Variants in PKHD1L1 observed in about 807,000 individuals in gnomAD.
The protein encoded by PKHD1L1 is fibrocystin-L.
PKHD1L1 carries 434 observed loss-of-function variants against 462.9 expected under a neutral mutation model. The ratio of observed to expected loss-of-function variants is 0.94; its 90% CI spans 0.87 to 1.02. PKHD1L1 has a LOEUF of 1.02. Among genes scored for constraint, PKHD1L1 ranks in the 50% least tolerant of loss-of-function variants. PKHD1L1 has a pLI of 0.00. For missense variants in PKHD1L1, 5,202 were observed against 5,096.1 expected (o/e 1.02, Z -0.63); for synonymous variants, 1,781 against 1,750.0 (o/e 1.02, Z -0.44).
At chr8:109,502,175 A>G (rs947174592) in intron 67 of PKHD1L1, among the ~76,000 whole-genome samples, 1 of 152,062 alleles carries the variant, frequency 6.6e-6, no homozygotes, top group Non-Finnish European at 1.5e-5. Context: ...CAATATTCCC[A>G]TTTTTGAGCC....
Position 109,435,286 on chromosome 8 carries a change from G to T in PKHD1L1, c.3437G>T (p.Gly1146Val). ...GTTGGACTAGCACAGAATGTAGGGG[G>T]TGAAGAGTTCTACTTTGTTTATCAG... ...ADVGLAQNVG[G>V]EEFYFVYQSQ... The change falls in exon 29 of 78, where the codon GGT (glycine) becomes GTT (valine). Residue 1146 changes from glycine (G) to valine (V), a missense_variant. Physicochemically the swap from Gly to Val is moderately radical, Grantham distance 109. Transcript: ENST00000378402. 6.2e-7 allele frequency: 1 copy of T among 1,613,890 alleles called. No homozygotes were observed. The highest frequency in any genetic ancestry group is 8.5e-7 in the Non-Finnish European group (1 of 1,179,806).
intron 21 of PKHD1L1, 87 bp downstream of exon 21, chr8:109,413,632 TG>T (rs1813977103): frequency 1.7e-6 from 2 of 1,186,686 alleles, no homozygotes; most frequent in Non-Finnish European, 1.1e-6. Flanking sequence ...TGGGGTTTTT[TG>T]TTTTGGTCTG....
chr8:109,472,482 C>A (rs1025850376), intron 50 of PKHD1L1, among the ~76,000 whole-genome samples: 1 of 152,144 alleles, frequency 6.6e-6, no homozygotes, highest in Non-Finnish European at 1.5e-5. Flanking sequence ...CGTTTCTCTG[C>A]ACCCTTTCAT....
rs762018652 is a variant in PKHD1L1, at chr8:109,450,979, G to A, written c.6180G>A (p.Thr2060=). The part of the protein sequence containing the change: ...LLCEIPSNNG[T]GAEQACEVSV... ...AGTCTGATCTTCCTTTCATAGGCAC[G>A]GGAGCTGAGCAAGCCTGTGAAGTGA... The change falls in exon 41 of 78, where the codon ACG becomes ACA. Residue 2060 remains threonine (T), a synonymous_variant. Transcript: ENST00000378402. The A allele has an allele frequency of 3.5e-5, 56 of 1,598,096 alleles. No homozygotes were observed. In the Middle Eastern group the frequency reaches 2.3e-3, roughly 66 times the overall value.
intron 10 of PKHD1L1, 33 bp from the exon 11 acceptor site, chr8:109,395,994 T>C: frequency 7.0e-7 from 1 of 1,422,702 alleles, no homozygotes; most frequent in Non-Finnish European, 9.7e-7. Context: ...GTGTAATATT[T>C]ATGATATTTT....
chr8:109,413,463 C>CT lies in PKHD1L1; in HGVS notation c.2279dup (p.Phe762IlefsTer7). ...AGGATTCCTGGCAAATTATATTGGTCTAAAATTTCAGTACCAAGACAATAG... is the reference window on the plus strand; with the variant it reads ...AGGATTCCTGGCAAATTATATTGGTCTTAAAATTTCAGTACCAAGACAATAG... On this transcript the variant is annotated frameshift_variant, in exon 21 of 78. Transcript: ENST00000378402. LOFTEE classifies it high-confidence loss of function. The CT allele has an allele frequency of 1.3e-6, 2 of 1,578,100 alleles. No homozygotes were observed. Among genetic ancestry groups the CT allele is most frequent in the Non-Finnish European group, 1.7e-6 (2 of 1,159,372 alleles).
rs752095105 is a variant in PKHD1L1, at chr8:109,454,728, A to G, written c.6750A>G (p.Gly2250=). The change falls in exon 45 of 78, where the codon GGA becomes GGG. Residue 2250 remains glycine, a synonymous_variant. Transcript: ENST00000378402. ...ATTTGTGACATCTTTTGCAGATTGG[A>G]ACAGAGACATCCCCATTCCAACACA... The part of the protein sequence containing the change: ...LITDGGVLQI[G]TETSPFQHKA... The G allele has an allele frequency of 1.9e-6, 3 of 1,613,500 alleles. No individual in the cohort carries two copies. The highest frequency in any genetic ancestry group is 2.5e-6 in the Non-Finnish European group (3 of 1,179,708).
At chr8:109,470,459 T>G in intron 50 of PKHD1L1, 1 of 1,606,040 alleles carries the variant, frequency 6.2e-7, no homozygotes, top group Middle Eastern at 2.3e-4. Flanking sequence ...AATGGATTGG[T>G]TAAAGCCCAG....
At chr8:109,452,611 T>C in intron 42 of PKHD1L1, 107 bp from the exon 43 acceptor site, 2 of 526,874 alleles carry the variant, frequency 3.8e-6, no homozygotes, top group Non-Finnish European at 5.5e-6. Context: ...ATATATTTAC[T>C]ATATAATATA....
At chr8:109,517,520 A>C (rs1184360293) in intron 72 of PKHD1L1, among the ~76,000 whole-genome samples, 1 of 152,106 alleles carries the variant, frequency 6.6e-6, no homozygotes, top group Non-Finnish European at 1.5e-5. Flanking sequence ...TCTGCCATAA[A>C]ATCATACATA....
Position 109,493,734 on chromosome 8 carries a change from A to T in PKHD1L1, c.10310A>T (p.Asp3437Val), listed in dbSNP as rs118053060. Residue 3437 changes from aspartate to valine, a missense_variant, in exon 63 of 78, where the codon GAT becomes GTT. Coordinates refer to ENST00000378402, the MANE Select transcript of PKHD1L1 (RefSeq NM_177531.6). ...AGFGRAGYRI[D>V]GEPCPGQFNP... ...TTTGGAAGAGCAGGATACCGCATTG[A>T]TGGTGAACCTTGCCCAGGTAAGTCT... The T allele has an allele frequency of 6.2e-7, 1 of 1,605,042 alleles. No individual in the cohort carries two copies. The highest frequency in any genetic ancestry group is 1.3e-5 in the African/African-American group (1 of 74,646).
At position 109,486,763 on chromosome 8, in the gene PKHD1L1, C is replaced by T. The variant is rs1818549920; in HGVS notation, c.9822C>T (p.Asp3274=). The T allele has an allele frequency of 1.9e-6, 3 of 1,612,472 alleles. No individual in the cohort carries two copies. In the African/African-American group the frequency reaches 4.0e-5, roughly 22 times the overall value. The change falls in exon 59 of 78, where the codon GAC becomes GAT. Residue 3274 remains aspartate, a synonymous_variant. Transcript: ENST00000378402. ...VGEDYPGWSE[D]SFGARVLVGS... is the part of the protein sequence containing the mutation. ...AAGATTACCCCGGTTGGTCTGAGGA[C>T]TCTTTTGGAGCACGCGTACTGGTTG...
intron 2 of PKHD1L1, among the ~76,000 whole-genome samples, chr8:109,373,811 G>A (rs1327371647): frequency 6.6e-6 from 1 of 152,132 alleles, no homozygotes; most frequent in East Asian, 1.9e-4. Context: ...GTAGTTGAGT[G>A]GTTTTGAGTG....
Position 109,466,730 on chromosome 8 carries a change from T to C in PKHD1L1, c.8566T>C (p.Ser2856Pro), listed in dbSNP as rs938369416. Residue 2856 changes from serine to proline, a missense_variant, in exon 50 of 78, where the codon TCT (serine) becomes CCT (proline). Ser to Pro is a moderately conservative substitution (Grantham distance 74). Around this residue, in one of 3 missense-constraint regions of PKHD1L1, gnomAD observed 4,497 missense variants for 4,336.8 expected, o/e 1.04. Coordinates refer to ENST00000378402, the MANE Select transcript of PKHD1L1 (RefSeq NM_177531.6). Reference protein sequence around the residue: ...RLAFNQPSPVSLLEKDVVLSD... With the variant: ...RLAFNQPSPVPLLEKDVVLSD... ...AGCGTTCAACCAGCCTTCTCCAGTA[T>C]CTCTGCTTGAAAAGGATGTGGTTCT... 6.2e-6 allele frequency: 10 copies of C among 1,612,792 alleles called. No individual in the cohort carries two copies. The highest frequency in any genetic ancestry group is 8.5e-6 in the Non-Finnish European group (10 of 1,179,500).
chr8:109,388,421 G>C (rs1812542623), intron 6 of PKHD1L1, 76 bp from the exon 7 acceptor site: 15 of 1,040,284 alleles, frequency 1.4e-5, no homozygotes, highest in Non-Finnish European at 1.9e-5. Flanking sequence ...GAACCAGTGA[G>C]TTGATGGGAG....
At chr8:109,510,664 C>T (rs1649750943) in intron 70 of PKHD1L1, 113 bp from the exon 71 acceptor site, 2 of 1,314,426 alleles carry the variant, frequency 1.5e-6, no homozygotes, top group African/African-American at 3.0e-5. Context: ...AAATGCTGAA[C>T]TTGCATTTGA....
intron 64 of PKHD1L1, 29 bp downstream of exon 64, chr8:109,497,096 T>C: frequency 6.2e-7 from 1 of 1,612,728 alleles, no homozygotes; most frequent in South Asian, 1.1e-5. Flanking sequence ...GGTGATTGTT[T>C]ATTTTCTTTT....
chr8:109,411,548 T>C (rs900821487), intron 19 of PKHD1L1, among the ~76,000 whole-genome samples: 2 of 152,140 alleles, frequency 1.3e-5, no homozygotes, highest in Non-Finnish European at 2.9e-5. Flanking sequence ...GTAATTTACC[T>C]CCTACTCCTT....
chr8:109,452,834 G>A lies in PKHD1L1; in HGVS notation c.6624G>A (p.Leu2208=), dbSNP rs1816613767. 3.9e-6 allele frequency: 6 copies of A among 1,521,064 alleles called. No individual in the cohort carries two copies. The allele number at this position is 1,521,064 out of a possible 1,614,324, so 94.2% of individuals were successfully genotyped here. A position where few individuals can be genotyped will look rare whatever the true frequency, so the allele number is the denominator to read the frequency against. The change falls in exon 43 of 78, where the codon CTG becomes CTA. Residue 2208 remains leucine (L), a synonymous_variant. Coordinates refer to ENST00000378402, the MANE Select transcript of PKHD1L1 (RefSeq NM_177531.6). ...VVITKGQTIL[L]DQSTPILKML... ...TTACAAAAGGACAGACCATTCTGCT[G>A]GATCAAAGCACCCCTATTTTGAAAA... is the stretch of plus-strand genomic sequence containing the variant.
Sources: gnomAD v4.1 joint callset for allele counts (sites outside exome capture counted in the v4.1 genomes callset) on GRCh38, gnomAD v4.1.1 for gene constraint, gnomAD v4.1.1 regional missense constraint, MANE v1.5 for transcripts, NCBI Gene and HGNC (gene_info 2026-07-23, HGNC 2026-07-21) for gene names.